DOCK4: variants seen among roughly 807,000 people sequenced by gnomAD.
The protein encoded by DOCK4 is dedicator of cytokinesis protein 4.
DOCK4 carries 97 observed loss-of-function variants against 268.1 expected under a neutral mutation model. That is an observed-to-expected ratio of 0.36 (90% CI 0.31 to 0.43). The LOEUF (loss-of-function observed/expected upper bound fraction) is 0.43, where lower values mean the gene tolerates loss of function less well. DOCK4 is among the 20% of genes least tolerant of loss of function. The pLI, the probability that DOCK4 is intolerant of heterozygous loss-of-function variation, is 1.00. For synonymous variants in DOCK4, 954 were observed against 887.2 expected (o/e 1.08, Z -1.34); for missense variants, 2,145 against 2,455.7 (o/e 0.87, Z 2.67).
At chr7:111,978,623 T>A (rs1798383306) in intron 7 of DOCK4, among the ~76,000 whole-genome samples, 5 of 151,976 alleles carry the variant, frequency 3.3e-5, no homozygotes, top group Admixed American at 3.3e-4. Context: ...AGCTGAGAGG[T>A]AAGGAGGGTG....
chr7:111,783,819 A>G, intron 34 of DOCK4, 38 bp downstream of exon 34: 1 of 1,517,060 alleles, frequency 6.6e-7, no homozygotes, highest in Non-Finnish European at 9.0e-7. Flanking sequence ...GGAGTTCAGC[A>G]TGAACTGGAG....
chr7:112,088,077 TG>T (rs1475584476), intron 1 of DOCK4, among the ~76,000 whole-genome samples: 2 of 152,098 alleles, frequency 1.3e-5, no homozygotes, highest in Non-Finnish European at 2.9e-5. Flanking sequence ...AGTGGGATCG[TG>T]GGACAAGGTC....
At position 111,833,605 on chromosome 7, in the gene DOCK4, T is replaced by G. The variant is rs77321558; in HGVS notation, c.2835+983A>C. On this transcript the variant is annotated intron_variant, in intron 26 of 52. Coordinates refer to ENST00000428084, the MANE Select transcript of DOCK4 (RefSeq NM_001363540.2). The stretch of plus-strand genomic sequence containing the variant: ...AACATGATGCCATATGCCAAATGAC[T>G]GACTGCTGAGGGATTAAATCTGCCA... 2.5e-3 allele frequency among the ~76,000 whole-genome samples: 387 copies of G among 152,134 alleles called. 5 individuals carry two copies. The highest frequency in any genetic ancestry group is 0.022 in the South Asian group (106 of 4,824).
chr7:111,887,767 TA>T (rs34109488), intron 16 of DOCK4, among the ~76,000 whole-genome samples: 4 of 147,752 alleles, frequency 2.7e-5, no homozygotes, highest in Middle Eastern at 3.4e-3. Context: ...AAAAAATTAT[TA>T]AAAAAAAAAG....
In DOCK4 at chr7:111,944,798, G is replaced by T; in HGVS notation, c.844+13C>A. 1 of 1,612,850 alleles carries T rather than the reference G, an allele frequency of 6.2e-7. No individual in the cohort carries two copies. Among genetic ancestry groups the T allele is most frequent in the South Asian group, 1.1e-5 (1 of 91,050 alleles). ...TTCCTTGCCCCTACTGCACTGACAA[G>T]TGTTATACCTACCGATTCGGATAAT... On this transcript the variant is annotated intron_variant, in intron 10 of 52. Transcript: ENST00000428084.
At chr7:112,114,185 C>T (rs1811921962) in intron 1 of DOCK4, among the ~76,000 whole-genome samples, 1 of 152,136 alleles carries the variant, frequency 6.6e-6, no homozygotes, top group South Asian at 2.1e-4. Flanking sequence ...GAGCTATCCC[C>T]ATCCTGGTCA....
chr7:112,168,393 T>C (rs2523018), intron 1 of DOCK4, among the ~76,000 whole-genome samples: 125,510 of 152,184 alleles, frequency 0.82, 52,129 homozygotes, highest in South Asian at 0.86. Flanking sequence ...GGGTAACCTG[T>C]CAGCACACAT....
chr7:111,939,440 G>A (rs113865708), intron 11 of DOCK4, among the ~76,000 whole-genome samples: 2,507 of 151,208 alleles, frequency 0.017, 60 homozygotes, highest in African/African-American at 0.056. Flanking sequence ...GCGTGAACCC[G>A]GGAGGCGGAG....
intron 1 of DOCK4, among the ~76,000 whole-genome samples, chr7:112,128,981 A>AAAGCAGGT (rs959951024): frequency 3.3e-4 from 50 of 152,358 alleles, no homozygotes; most frequent in African/African-American, 1.2e-3. Context: ...GTCACTGCGG[A>AAAGCAGGT]AAGCAGGTTG....
intron 42 of DOCK4, among the ~76,000 whole-genome samples, chr7:111,749,908 T>C (rs1201514895): frequency 6.6e-6 from 1 of 152,194 alleles, no homozygotes; most frequent in Non-Finnish European, 1.5e-5. Context: ...TATATCCCAT[T>C]GCTGAGCCAT....
chr7:112,091,844 G>A (rs577868725), intron 1 of DOCK4, among the ~76,000 whole-genome samples: 2 of 152,140 alleles, frequency 1.3e-5, no homozygotes, highest in Non-Finnish European at 2.9e-5. Flanking sequence ...ATCAAGAACT[G>A]AAAAGTGTCA....
intron 13 of DOCK4, among the ~76,000 whole-genome samples, chr7:111,907,484 G>T (rs1791687305): frequency 6.6e-6 from 1 of 152,078 alleles, no homozygotes; most frequent in Admixed American, 6.5e-5. Flanking sequence ...GGGACCGTAA[G>T]CTTCATAATT....
At chr7:112,186,342 T>C (rs886743768) in intron 1 of DOCK4, among the ~76,000 whole-genome samples, 1 of 152,154 alleles carries the variant, frequency 6.6e-6, no homozygotes, top group Non-Finnish European at 1.5e-5. Context: ...CACTACAACA[T>C]ACTGACTAAG....
At chr7:111,794,033 T>C (rs1799726240) in intron 30 of DOCK4, among the ~76,000 whole-genome samples, 1 of 152,038 alleles carries the variant, frequency 6.6e-6, no homozygotes, top group Non-Finnish European at 1.5e-5. Context: ...GAGCTTTATT[T>C]TGTATAAAAA....
intron 36 of DOCK4, among the ~76,000 whole-genome samples, chr7:111,773,561 G>GT (rs112541196): frequency 7.2e-5 from 11 of 151,828 alleles, no homozygotes; most frequent in African/African-American, 2.2e-4. Flanking sequence ...AAAGTTTACT[G>GT]TTTTTTTTCT....
At chr7:112,146,663 G>T (rs113314376) in intron 1 of DOCK4, among the ~76,000 whole-genome samples, 1 of 152,154 alleles carries the variant, frequency 6.6e-6, no homozygotes, top group Non-Finnish European at 1.5e-5. Flanking sequence ...GTCTGGGGAG[G>T]TTAAGGATGC....
At chr7:111,955,390 C>T (rs758385802) in intron 8 of DOCK4, among the ~76,000 whole-genome samples, 7 of 152,136 alleles carry the variant, frequency 4.6e-5, no homozygotes, top group Non-Finnish European at 7.3e-5. Flanking sequence ...CCATATTCAC[C>T]TTACAAATAA....
chr7:111,944,687 G>A (rs757521400), intron 10 of DOCK4, 124 bp downstream of exon 10: 54 of 930,484 alleles, frequency 5.8e-5, no homozygotes, highest in Non-Finnish European at 9.0e-5. Context: ...GTGATTCTTG[G>A]ATTCAAATCT....
chr7:111,926,476 G>C (rs771062430), intron 12 of DOCK4, among the ~76,000 whole-genome samples: 6 of 123,584 alleles, frequency 4.9e-5, no homozygotes, highest in Non-Finnish European at 6.9e-5. Context: ...AAGAAAGAAA[G>C]AAAGAAAAAG....
Sources: allele counts gnomAD v4.1 joint callset (sites outside exome capture counted in the v4.1 genomes callset), GRCh38; gene constraint gnomAD v4.1.1; transcripts MANE v1.5; gene names NCBI Gene and HGNC (gene_info 2026-07-23, HGNC 2026-07-21).